AS3MT: variants seen among roughly 807,000 people sequenced by gnomAD.
The protein encoded by AS3MT is arsenite methyltransferase.
AS3MT carries 47 observed loss-of-function variants against 45.3 expected under a neutral mutation model. The ratio of observed to expected loss-of-function variants is 1.04; its 90% CI spans 0.82 to 1.32. The LOEUF is 1.32. Among genes scored for constraint, AS3MT ranks in the 40% most tolerant of loss-of-function variants. The probability of loss-of-function intolerance (pLI) is 0.00; values close to 1 mark genes in which losing one functional copy is unlikely to be tolerated. For synonymous variants in AS3MT, 141 were observed against 152.8 expected (o/e 0.92, Z 0.57); for missense variants, 396 against 451.1 (o/e 0.88, Z 1.11).
chr10:102,872,046 C>A (rs918707233), intron 3 of AS3MT, among the ~76,000 whole-genome samples: 1 of 151,996 alleles, frequency 6.6e-6, no homozygotes, highest in Admixed American at 6.6e-5. Context: ...CCGTGCCCAG[C>A]TGATTTTTTG....
At chr10:102,880,719 C>T (rs1019665618) in intron 9 of AS3MT, among the ~76,000 whole-genome samples, 1 of 152,150 alleles carries the variant, frequency 6.6e-6, no homozygotes, top group African/African-American at 2.4e-5. Flanking sequence ...AAAACTTCCT[C>T]AATGAAATTT....
At chr10:102,884,956 C>T (rs552382969) in intron 9 of AS3MT, among the ~76,000 whole-genome samples, 3 of 152,176 alleles carry the variant, frequency 2.0e-5, no homozygotes, top group African/African-American at 4.8e-5. Context: ...GTATATCCAT[C>T]GCCTTAAACA....
At chr10:102,873,066 T>C (rs746672565) in intron 4 of AS3MT, 31 bp from the exon 5 acceptor site, 2 of 1,525,588 alleles carry the variant, frequency 1.3e-6, no homozygotes, top group South Asian at 2.5e-5. Flanking sequence ...TTTTTCAAAA[T>C]GTTATCAAAA....
At chr10:102,877,784 G>A (rs1844809843) in intron 7 of AS3MT, among the ~76,000 whole-genome samples, 1 of 125,200 alleles carries the variant, frequency 8.0e-6, no homozygotes, top group Non-Finnish European at 1.6e-5. Context: ...ATGGAGTCTC[G>A]CTCTGTCACC....
chr10:102,878,283 T>C, intron 7 of AS3MT, 96 bp from the exon 8 acceptor site: 1 of 1,480,910 alleles, frequency 6.8e-7, no homozygotes, highest in South Asian at 1.3e-5. Context: ...TTTTAACTAA[T>C]ACCATGTCCT....
At chr10:102,894,735 T>G (rs367552988) in intron 10 of AS3MT, among the ~76,000 whole-genome samples, 2 of 152,220 alleles carry the variant, frequency 1.3e-5, no homozygotes, top group South Asian at 4.1e-4. Context: ...ATCTGCATGA[T>G]AAAACCTTGG....
intron 10 of AS3MT, 75 bp downstream of exon 10, chr10:102,890,753 C>T (rs905157477): frequency 8.0e-5 from 115 of 1,440,654 alleles, no homozygotes; most frequent in Non-Finnish European, 1.0e-4. Flanking sequence ...CTCTGTCACC[C>T]AGACTGGAGT....
rs1484547027 is a variant in AS3MT at position 102,901,151 on chromosome 10, C to A, written c.*451C>A. On this transcript the variant is annotated 3_prime_UTR_variant, in exon 11 of 11. Coordinates refer to ENST00000369880, the MANE Select transcript of AS3MT (RefSeq NM_020682.4). ...GAAAACAACAAATGGCAGAGAGCCA[C>A]CATATTCCAAATCACTGAAAAAAAT... The A allele has an allele frequency of 6.7e-6, 1 of 149,852 alleles. No individual in the cohort carries two copies. The allele number at this position is 149,852 out of a possible 1,614,324, so 9.3% of individuals were successfully genotyped here. A position where few individuals can be genotyped will look rare whatever the true frequency, so the allele number is the denominator to read the frequency against.
intron 10 of AS3MT, 103 bp downstream of exon 10, chr10:102,890,781 G>T: frequency 5.3e-6 from 6 of 1,129,844 alleles, no homozygotes; most frequent in Non-Finnish European, 7.3e-6. Flanking sequence ...TGTGATCTTG[G>T]CTCACTGCAA....
rs1564790223 is a variant in AS3MT, at chr10:102,872,468, T to A, written c.191T>A (p.Val64Glu). Reference protein sequence around the residue: ...VALRYYGCGLVIPEHLENCWI... With the variant: ...VALRYYGCGLEIPEHLENCWI... ...CCCAGATATTATGGCTGTGGTCTGG[T>A]GATCCCTGAGCATCTAGAAAACTGC... The change falls in exon 4 of 11, where the codon GTG becomes GAG. Residue 64 changes from valine to glutamate, a missense_variant. Val to Glu is a moderately radical substitution (Grantham distance 121, BLOSUM62 -2). Transcript: ENST00000369880. 6.2e-7 allele frequency: 1 copy of A among 1,613,966 alleles called. No individual in the cohort carries two copies. Among genetic ancestry groups the A allele is most frequent in the Non-Finnish European group, 8.5e-7 (1 of 1,179,990 alleles).
intron 9 of AS3MT, among the ~76,000 whole-genome samples, chr10:102,888,567 A>T (rs1844996277): frequency 6.6e-6 from 1 of 150,850 alleles, no homozygotes; most frequent in Non-Finnish European, 1.5e-5. Context: ...GATTACAGGC[A>T]TGCACCACCA....
At chr10:102,884,500 G>A (rs377270631) in intron 9 of AS3MT, among the ~76,000 whole-genome samples, 4 of 141,930 alleles carry the variant, frequency 2.8e-5, no homozygotes, top group African/African-American at 1.0e-4. Context: ...GCGAGGTTAT[G>A]CAGTATTTGT....
intron 4 of AS3MT, 115 bp from the exon 5 acceptor site, chr10:102,872,982 A>G: frequency 1.1e-6 from 1 of 873,248 alleles, no homozygotes. Flanking sequence ...GGAATCTTGT[A>G]TGTTTATCCA....
At position 102,878,420 on chromosome 10, in the gene AS3MT, G is replaced by A. The variant is rs1207564649; in HGVS notation, c.652G>A (p.Val218Ile). 1.2e-6 allele frequency: 2 copies of A among 1,614,092 alleles called. No individual in the cohort carries two copies. Among genetic ancestry groups the A allele is most frequent in the Non-Finnish European group, 1.7e-6 (2 of 1,180,018 alleles). The change falls in exon 8 of 11, where the codon GTC (valine) becomes ATC (isoleucine). Residue 218 changes from valine (V) to isoleucine (I), a missense_variant. Transcript: ENST00000369880. ...TGCTTTATACTGGAAGGAACTTGCT[G>A]TCCTTGCTCAAAAAATTGGGTTCTG... ...GGALYWKELA[V>I]LAQKIGFCPP... is the part of the protein sequence containing the mutation.
intron 10 of AS3MT, among the ~76,000 whole-genome samples, chr10:102,895,312 C>T (rs895554270): frequency 1.3e-5 from 2 of 151,984 alleles, no homozygotes; most frequent in African/African-American, 4.8e-5. Context: ...ATTCTCCTGC[C>T]CCAGCCTCAC....
At chr10:102,878,792 G>C in intron 8 of AS3MT, 57 bp from the exon 9 acceptor site, 1 of 1,580,144 alleles carries the variant, frequency 6.3e-7, no homozygotes, top group Non-Finnish European at 8.6e-7. Context: ...TGTCTGCTGA[G>C]CAAGGCAACA....
chr10:102,869,940 G>T, intron 2 of AS3MT, 95 bp downstream of exon 2: 2 of 1,576,922 alleles, frequency 1.3e-6, no homozygotes, highest in Non-Finnish European at 8.6e-7. Flanking sequence ...TCCTGGAGTC[G>T]GGGTAGGGCA....
intron 10 of AS3MT, among the ~76,000 whole-genome samples, chr10:102,892,640 CTGAGT>C (rs1845089295): frequency 6.6e-6 from 1 of 152,048 alleles, no homozygotes; most frequent in Admixed American, 6.6e-5. Flanking sequence ...GTTTAATACT[CTGAGT>C]TATGAGATTT....
chr10:102,900,562 TG>T (rs770481986), intron 10 of AS3MT, 30 bp from the exon 11 acceptor site: 2 of 1,508,622 alleles, frequency 1.3e-6, no homozygotes, highest in Non-Finnish European at 9.2e-7. Flanking sequence ...ACCTTTAACT[TG>T]TCCTTTCATT....
Sources: allele counts gnomAD v4.1 joint callset (sites outside exome capture counted in the v4.1 genomes callset), GRCh38; gene constraint gnomAD v4.1.1; transcripts MANE v1.5; gene names NCBI Gene and HGNC (gene_info 2026-07-23, HGNC 2026-07-21).